The following ZXDC variants were observed in gnomAD, a reference collection of about 807,000 sequenced individuals.
ZXDC encodes the protein zinc finger protein ZXDC.
Under a neutral mutation model 63.6 loss-of-function variants are expected in ZXDC, and 58 were observed. The ratio of observed to expected loss-of-function variants is 0.91; its 90% CI spans 0.74 to 1.13. The LOEUF is 1.13. ZXDC is among the 50% of genes most tolerant of loss of function. The pLI, the probability that ZXDC is intolerant of heterozygous loss-of-function variation, is 0.00. For missense variants in ZXDC, 1,133 were observed against 1,148.9 expected (o/e 0.99, Z 0.20); for synonymous variants, 561 against 496.1 (o/e 1.13, Z -1.74).
chr3:126,464,830 C>T (rs762603115), intron 5 of ZXDC, among the ~76,000 whole-genome samples: 2 of 152,128 alleles, frequency 1.3e-5, no homozygotes, highest in African/African-American at 2.4e-5. Flanking sequence ...ACGCACATTC[C>T]GTGTCCTCAA....
intron 5 of ZXDC, among the ~76,000 whole-genome samples, chr3:126,464,183 TTAC>T (rs1934661783): frequency 1.3e-5 from 2 of 152,172 alleles, no homozygotes; most frequent in Non-Finnish European, 1.5e-5. Flanking sequence ...CTATAAACAT[TTAC>T]TACCAGAGAC....
intron 1 of ZXDC, among the ~76,000 whole-genome samples, chr3:126,474,747 T>C (rs1333925260): frequency 2.0e-5 from 3 of 152,254 alleles, no homozygotes; most frequent in African/African-American, 7.2e-5. Flanking sequence ...AGCGCAGCTG[T>C]GGTGATCTGC....
intron 7 of ZXDC, chr3:126,458,961 TAGAG>T: frequency 2.0e-6 from 2 of 981,192 alleles, no homozygotes; most frequent in Non-Finnish European, 2.4e-6. Context: ...CTATTAGGAA[TAGAG>T]AGCAAGATAT....
intron 7 of ZXDC, among the ~76,000 whole-genome samples, chr3:126,445,469 A>T (rs1933847715): frequency 6.6e-6 from 1 of 151,978 alleles, no homozygotes; most frequent in Non-Finnish European, 1.5e-5. Flanking sequence ...TGCTTCCCTG[A>T]AACCAGTATT....
chr3:126,450,752 T>C, intron 7 of ZXDC: 1 of 351,752 alleles, frequency 2.8e-6, no homozygotes, highest in Non-Finnish European at 5.6e-6. Context: ...GTGAAACAGA[T>C]TATAAAAATT....
chr3:126,438,298 C>T lies in ZXDC; in HGVS notation c.*77G>A, dbSNP rs1933539531. On this transcript the variant is annotated 3_prime_UTR_variant, in exon 10 of 10. Transcript: ENST00000389709. ...CTGAACGGAAACCAAATGAGGTCTC[C>T]CCAGGCTCATGTCATGAGTCTCAGG... The T allele has an allele frequency of 7.7e-7, 1 of 1,297,892 alleles. No homozygotes were observed. Among genetic ancestry groups the T allele is most frequent in the South Asian group, 1.3e-5 (1 of 79,612 alleles). 80.4% of individuals were successfully genotyped at this position (1,297,892 alleles called of 1,614,324 possible). A position where few individuals can be genotyped will look rare whatever the true frequency, so the allele number is the denominator to read the frequency against.
At chr3:126,474,048 G>T (rs1357723356) in intron 1 of ZXDC, among the ~76,000 whole-genome samples, 1 of 149,476 alleles carries the variant, frequency 6.7e-6, no homozygotes, top group African/African-American at 2.5e-5. Context: ...ACAGGAGAAA[G>T]AACAGGCAGT....
chr3:126,457,289 G>C (rs1350467245), intron 7 of ZXDC: 1 of 985,334 alleles, frequency 1.0e-6, no homozygotes, highest in East Asian at 1.1e-4. Context: ...ATCCCCGCCA[G>C]AGGATGCAAC....
At chr3:126,453,898 G>C in intron 7 of ZXDC, 2 of 984,996 alleles carry the variant, frequency 2.0e-6, no homozygotes, top group Non-Finnish European at 2.4e-6. Context: ...TGATTGTCTA[G>C]AGGTTTTGTT....
intron 7 of ZXDC, chr3:126,452,322 C>T (rs957193503): frequency 8.1e-6 from 8 of 985,320 alleles, no homozygotes; most frequent in African/African-American, 3.5e-5. Flanking sequence ...TGCATGAAAT[C>T]GCACTACAAT....
At chr3:126,453,315 C>G (rs2107638730) in intron 7 of ZXDC, 1 of 985,278 alleles carries the variant, frequency 1.0e-6, no homozygotes, top group South Asian at 4.7e-5. Flanking sequence ...AAATGAGGGC[C>G]TAGGGGCCAT....
At chr3:126,444,411 A>G (rs1466448029) in intron 7 of ZXDC, among the ~76,000 whole-genome samples, 2 of 152,090 alleles carry the variant, frequency 1.3e-5, no homozygotes, top group Non-Finnish European at 1.5e-5. Flanking sequence ...GGGTGCCTGT[A>G]GTCCCAGCTA....
intron 7 of ZXDC, among the ~76,000 whole-genome samples, chr3:126,455,398 T>G (rs953425085): frequency 6.6e-6 from 1 of 152,154 alleles, no homozygotes; most frequent in Non-Finnish European, 1.5e-5. Flanking sequence ...AACCCTAGTA[T>G]AACAAAACCC....
At position 126,475,518 on chromosome 3, in the gene ZXDC, G is replaced by C; in HGVS notation, c.348C>G (p.Ala116=). ...SRPEQGPSGP[A]APPGPGVAPA... The stretch of plus-strand genomic sequence containing the variant: ...GGGCTACGCCAGGGCCGGGGGGGGC[G>C]GCCGGGCCGCTGGGGCCCTGCTCGG... Residue 116 remains alanine (A), a synonymous_variant, in exon 1 of 10, where the codon GCC becomes GCG. Coordinates refer to ENST00000389709, the MANE Select transcript of ZXDC (RefSeq NM_025112.5). The C allele has an allele frequency of 8.0e-7, 1 of 1,252,228 alleles. No individual in the cohort carries two copies. The highest frequency in any genetic ancestry group is 1.0e-6 in the Non-Finnish European group (1 of 1,001,016). The allele number at this position is 1,252,228 out of a possible 1,614,324, so 77.6% of individuals were successfully genotyped here.
chr3:126,470,622 CTA>C (rs1352241577), intron 4 of ZXDC, among the ~76,000 whole-genome samples: 1 of 152,170 alleles, frequency 6.6e-6, no homozygotes, highest in East Asian at 1.9e-4. Flanking sequence ...CACATTTCAC[CTA>C]ATCCTCACGA....
At chr3:126,454,166 A>G in intron 7 of ZXDC, 1 of 975,632 alleles carries the variant, frequency 1.0e-6, no homozygotes, top group South Asian at 4.7e-5. Context: ...GGATCTGTTA[A>G]ATCAACTTTA....
rs1299387763 is a variant in ZXDC, at chr3:126,439,704, G to A, written c.2418C>T (p.Val806=). Residue 806 remains valine, a synonymous_variant, in exon 9 of 10, where the codon GTC becomes GTT. Transcript: ENST00000389709. ...TGGCTGGGCCGCGGGCCGAGGGCAG[G>A]ACACCTTCGCCGGAGGGGTCATCCT... ...LVQDDPSGEG[V]LPSARGPATF... is the part of the protein sequence containing the mutation. 1 of 1,552,112 alleles carries A rather than the reference G, an allele frequency of 6.4e-7. No individual in the cohort carries two copies. The highest frequency in any genetic ancestry group is 8.7e-7 in the Non-Finnish European group (1 of 1,147,256).
chr3:126,465,210 C>T (rs560600018), intron 5 of ZXDC, among the ~76,000 whole-genome samples: 2 of 152,346 alleles, frequency 1.3e-5, no homozygotes, highest in African/African-American at 4.8e-5. Flanking sequence ...TCAGCCAGGC[C>T]CGGTGAGGAG....
intron 9 of ZXDC, among the ~76,000 whole-genome samples, chr3:126,439,265 T>C (rs1560086541): frequency 6.6e-6 from 1 of 152,282 alleles, no homozygotes; most frequent in Non-Finnish European, 1.5e-5. Context: ...AATCATTCAC[T>C]GCCACCCATC....
Sources: allele counts gnomAD v4.1 joint callset (sites outside exome capture counted in the v4.1 genomes callset), GRCh38; gene constraint gnomAD v4.1.1; transcripts MANE v1.5; gene names NCBI Gene and HGNC (gene_info 2026-07-23, HGNC 2026-07-21).